The following NAGK variants were observed in gnomAD, a reference collection of about 807,000 sequenced individuals.
NAGK encodes N-acetylglucosamine kinase.
A neutral mutation model predicts 42.9 loss-of-function variants in NAGK; 35 were observed. That is an observed-to-expected ratio of 0.82 (90% confidence interval 0.62 to 1.08). The LOEUF (loss-of-function observed/expected upper bound fraction) is 1.08, where lower values mean the gene tolerates loss of function less well. Among genes scored for constraint, NAGK ranks in the 50% least tolerant of loss-of-function variants. The pLI is 0.00. For missense variants in NAGK, 446 were observed against 446.0 expected (o/e 1.00, Z 0.00); for synonymous variants, 172 against 176.0 (o/e 0.98, Z 0.18).
chr2:71,075,963 T>G (rs938773997), intron 7 of NAGK: 2 of 375,854 alleles, frequency 5.3e-6, no homozygotes, highest in Non-Finnish European at 4.9e-6. Flanking sequence ...CCTAGCCAAT[T>G]ATACTCAAAG....
At chr2:71,071,520 C>A in intron 3 of NAGK, 166 bp from the exon 4 acceptor site, 1 of 953,998 alleles carries the variant, frequency 1.0e-6, no homozygotes, top group Non-Finnish European at 1.5e-6. Flanking sequence ...CTTATAACCA[C>A]AGCCTTCTGA....
Position 71,068,783 on chromosome 2 carries a change from T to G in NAGK, c.29+71T>G. ...GAAGGCCGTGGCCAGCCTGGCAAGC[T>G]GGTGGCCTTGATCCTCGGCGTCCGG... is the stretch of plus-strand genomic sequence containing the variant. On this transcript the variant is annotated intron_variant, in intron 1 of 9. Coordinates refer to ENST00000244204, the MANE Select transcript of NAGK (RefSeq NM_017567.6). The G allele has an allele frequency of 7.7e-6, 11 of 1,430,736 alleles. No individual in the cohort carries two copies. The South Asian group carries it at 1.5e-4, about 19-fold the overall frequency. The allele number at this position is 1,430,736 out of a possible 1,614,324, so 88.6% of individuals were successfully genotyped here. A position where few individuals can be genotyped will look rare whatever the true frequency, so the allele number is the denominator to read the frequency against.
At chr2:71,071,537 A>T in intron 3 of NAGK, 149 bp from the exon 4 acceptor site, 1 of 1,099,066 alleles carries the variant, frequency 9.1e-7, no homozygotes, top group Non-Finnish European at 1.3e-6. Context: ...CTGAGGGGTC[A>T]TTGTGTGGGG....
In NAGK at chr2:71,077,562, T is replaced by C; in HGVS notation, c.770T>C (p.Leu257Ser). The stretch of plus-strand genomic sequence containing the variant: ...CATTTTCTGCTCTCCACCCAGGTCT[T>C]GTTCCAGGGCAAGATTGGACTCCCC... ...VAVLPEIDPV[L>S]FQGKIGLPIL... The change falls in exon 9 of 10, where the codon TTG (leucine) becomes TCG (serine). Residue 257 changes from leucine to serine, a missense_variant. Leu to Ser is a moderately radical substitution (Grantham distance 145). Transcript: ENST00000244204. The C allele has an allele frequency of 6.2e-7, 1 of 1,607,218 alleles. No homozygotes were observed. The highest frequency in any genetic ancestry group is 8.5e-7 in the Non-Finnish European group (1 of 1,176,896).
rs573288214 is a variant in NAGK at position 71,068,651 on chromosome 2, A to G, written c.-33A>G. Reference sequence around the variant, plus strand: ...GAGGTGTCAGGCGGGGAGAGACGCAAACGGCGGGACCAGCAGCGACGGTAG... The same window carrying G: ...GAGGTGTCAGGCGGGGAGAGACGCAGACGGCGGGACCAGCAGCGACGGTAG... On this transcript the variant is annotated 5_prime_UTR_variant, in exon 1 of 10. Transcript: ENST00000244204. The G allele has an allele frequency of 1.2e-5, 19 of 1,522,554 alleles. No individual in the cohort carries two copies. In the East Asian group the frequency reaches 4.9e-4, roughly 40 times the overall value. 94.3% of individuals were successfully genotyped at this position (1,522,554 alleles called of 1,614,324 possible).
intron 4 of NAGK, among the ~76,000 whole-genome samples, chr2:71,072,083 G>A (rs866856229): frequency 3.9e-5 from 6 of 152,276 alleles, no homozygotes; most frequent in Middle Eastern, 3.4e-3. Flanking sequence ...ACCTGGGGGC[G>A]GTGTAGTGAG....
chr2:71,078,177 G>A (rs866755064), intron 9 of NAGK, 141 bp from the exon 10 acceptor site: 33 of 757,116 alleles, frequency 4.4e-5, no homozygotes, highest in Non-Finnish European at 5.8e-5. Context: ...CACCCTGTGT[G>A]CTGGGCACTT....
Position 71,078,401 on chromosome 2 carries a change from T to C in NAGK, c.928T>C (p.Ser310Pro), listed in dbSNP as rs1442224306. The change falls in exon 10 of 10, where the codon TCC (serine) becomes CCC (proline). Residue 310 changes from serine (S) to proline (P), a missense_variant. Coordinates refer to ENST00000244204, the MANE Select transcript of NAGK (RefSeq NM_017567.6). ...CTTCACCCTGATGAAGCTGAGGCAC[T>C]CCTCCGCTCTGGGTGGGGCCAGCCT... ...SSFTLMKLRH[S>P]SALGGASLGA... The C allele has an allele frequency of 1.7e-5, 28 of 1,613,948 alleles. No individual in the cohort carries two copies. The highest frequency in any genetic ancestry group is 2.4e-5 in the Non-Finnish European group (28 of 1,179,964).
In NAGK at chr2:71,075,552, C is replaced by T. The variant is rs182834872; in HGVS notation, c.580-3C>T. On this transcript the variant is annotated splice_region_variant and splice_polypyrimidine_tract_variant and intron_variant, in intron 6 of 9. Coordinates refer to ENST00000244204, the MANE Select transcript of NAGK (RefSeq NM_017567.6). ...GACTCTCTTGTGCCCTTTCTCCTCT[C>T]AGGTGCCAGATCGGCTAGGGATACT... The T allele has an allele frequency of 6.2e-6, 10 of 1,611,210 alleles. No homozygotes were observed. In the Admixed American group the frequency reaches 1.7e-4, roughly 27 times the overall value.
In NAGK at chr2:71,072,674, A is replaced by T; in HGVS notation, c.389A>T (p.Asn130Ile). ...GTGCTCATATCTGGAACAGGCTCCA[A>T]CTGCAGGCTCATCAACCCTGATGGC... ...GVVLISGTGSNCRLINPDGSE... is the reference protein window; with the variant it reads ...GVVLISGTGSICRLINPDGSE... The change falls in exon 5 of 10, where the codon AAC becomes ATC. Residue 130 changes from asparagine to isoleucine, a missense_variant. By Grantham distance (149) the Asn-to-Ile change is moderately radical (BLOSUM62 -3). Transcript: ENST00000244204. 1 of 1,614,070 alleles carries T rather than the reference A, an allele frequency of 6.2e-7. No individual in the cohort carries two copies. Among genetic ancestry groups the T allele is most frequent in the East Asian group, 2.2e-5 (1 of 44,878 alleles).
rs149767516 is a variant in NAGK, at chr2:71,072,394, C to T, written c.356-247C>T. ...CCGGCTGGGCAAGGAGCCACATTCC[C>T]TCTAAGAGGTGCAGGCTTGCATTTC... On this transcript the variant is annotated intron_variant, in intron 4 of 9. Coordinates refer to ENST00000244204, the MANE Select transcript of NAGK (RefSeq NM_017567.6). 8.7e-4 allele frequency: 421 copies of T among 482,204 alleles called. 5 individuals are homozygous for T. The highest frequency in any genetic ancestry group is 7.5e-3 in the African/African-American group (384 of 51,246). 29.9% of individuals were successfully genotyped at this position (482,204 alleles called of 1,614,324 possible). A position where few individuals can be genotyped will look rare whatever the true frequency, so the allele number is the denominator to read the frequency against.
chr2:71,076,648 G>A lies in NAGK; in HGVS notation c.712G>A (p.Ala238Thr). The change falls in exon 8 of 10, where the codon GCT becomes ACT. Residue 238 changes from alanine (A) to threonine (T), a missense_variant. By Grantham distance (58) the Ala-to-Thr change is moderately conservative. Transcript: ENST00000244204. ...DPLSRYIFRK[A>T]GEMLGRHIVA... Reference sequence around the variant, plus strand: ...CCTTTCCCGCTATATCTTCAGGAAGGCTGGGGAGATGCTGGGCAGACACAT... The same window carrying A: ...CCTTTCCCGCTATATCTTCAGGAAGACTGGGGAGATGCTGGGCAGACACAT... 1 of 1,613,970 alleles carries A rather than the reference G, an allele frequency of 6.2e-7. No homozygotes were observed. The highest frequency in any genetic ancestry group is 8.5e-7 in the Non-Finnish European group (1 of 1,179,908).
chr2:71,068,978 A>C (rs1315102248), intron 1 of NAGK: 5 of 1,239,776 alleles, frequency 4.0e-6, no homozygotes, highest in Non-Finnish European at 5.1e-6. Context: ...TCCACGAAAC[A>C]CCCACTCCGC....
rs765410817 is a variant in NAGK at position 71,071,687 on chromosome 2, G to C, written c.215G>C (p.Gly72Ala). 1 of 1,612,804 alleles carries C rather than the reference G, an allele frequency of 6.2e-7. No homozygotes were observed. Among genetic ancestry groups the C allele is most frequent in the Non-Finnish European group, 8.5e-7 (1 of 1,179,628 alleles). Residue 72 changes from glycine (G) to alanine (A), a missense_variant and splice_region_variant, in exon 4 of 10, where the codon GGC (glycine) becomes GCC (alanine). Coordinates refer to ENST00000244204, the MANE Select transcript of NAGK (RefSeq NM_017567.6). ...VDPLVPLRSL[G>A]LSLSGGDQED... is the part of the protein sequence containing the mutation. The stretch of plus-strand genomic sequence containing the variant: ...TCGCTCACCTCCCGCGTGGCCTAGG[G>C]CCTATCTCTGAGCGGTGGGGACCAG...
upstream of NAGK, chr2:71,068,347 T>C (rs1671853776): frequency 4.5e-6 from 3 of 668,736 alleles, no homozygotes; most frequent in Non-Finnish European, 6.7e-6. Context: ...GTCAGTGATG[T>C]GTCCTAAGGG....
In NAGK at chr2:71,070,536, G is replaced by A; in HGVS notation, c.64G>A (p.Glu22Lys). ...ACGATCCGAGGTCCTTTTAGTCTCA[G>A]AGGATGGGAAGATCCTGGCAGAAGC... ...GTRSEVLLVS[E>K]DGKILAEADG... Residue 22 changes from glutamate (E) to lysine (K), a missense_variant, in exon 2 of 10, where the codon GAG (glutamate) becomes AAG (lysine). Physicochemically the swap from Glu to Lys is moderately conservative, Grantham distance 56. Transcript: ENST00000244204. 1 of 1,614,118 alleles carries A rather than the reference G, an allele frequency of 6.2e-7. No homozygotes were observed. The highest frequency in any genetic ancestry group is 8.5e-7 in the Non-Finnish European group (1 of 1,179,994).
intron 1 of NAGK, chr2:71,070,199 A>T: frequency 3.1e-6 from 1 of 325,030 alleles, no homozygotes; most frequent in South Asian, 2.7e-5. Flanking sequence ...AGGTTTAACT[A>T]ACGGAGACTT....
At chr2:71,077,850 T>C (rs2103724363) in intron 9 of NAGK, among the ~76,000 whole-genome samples, 1 of 152,364 alleles carries the variant, frequency 6.6e-6, no homozygotes, top group East Asian at 1.9e-4. Flanking sequence ...TGAAAAGATG[T>C]TGTGTTCCAA....
chr2:71,068,743 C>A, intron 1 of NAGK, 31 bp downstream of exon 1: 1 of 1,447,666 alleles, frequency 6.9e-7, no homozygotes, highest in Non-Finnish European at 9.1e-7. Context: ...GGAGCCTGGG[C>A]CCGAAGGCGG....
Sources: gnomAD v4.1 joint callset for allele counts (sites outside exome capture counted in the v4.1 genomes callset) on GRCh38, gnomAD v4.1.1 for gene constraint, MANE v1.5 for transcripts, NCBI Gene and HGNC (gene_info 2026-07-23, HGNC 2026-07-21) for gene names.